The following PXMP4 variants were observed in gnomAD, a reference collection of about 807,000 sequenced individuals.
PXMP4 encodes peroxisomal membrane protein 4.
A neutral mutation model predicts 21.6 loss-of-function variants in PXMP4; 16 were observed. The ratio of observed to expected loss-of-function variants is 0.74; its 90% CI spans 0.50 to 1.13. The LOEUF (loss-of-function observed/expected upper bound fraction) is 1.13. Among genes scored for constraint, PXMP4 ranks in the 50% most tolerant of loss-of-function variants. PXMP4 has a pLI of 0.00. For missense variants in PXMP4, 240 were observed against 277.7 expected, an observed-to-expected ratio of 0.86 and a Z score of 0.96; for synonymous variants, 127 against 123.8, an observed-to-expected ratio of 1.03 and a Z score of -0.17.
At chr20:33,711,171 G>A (rs150536547) in intron 2 of PXMP4, among the ~76,000 whole-genome samples, 77 of 152,336 alleles carry the variant, frequency 5.1e-4, no homozygotes, top group African/African-American at 1.6e-3. Context: ...ATGTGAAGGA[G>A]TGAGTGTCTG....
At chr20:33,716,028 G>C (rs1398414194) in intron 1 of PXMP4, among the ~76,000 whole-genome samples, 1 of 149,788 alleles carries the variant, frequency 6.7e-6, no homozygotes, top group Non-Finnish European at 1.5e-5. Flanking sequence ...ATTTTTAGTA[G>C]AGACGAGGTT....
intron 1 of PXMP4, among the ~76,000 whole-genome samples, chr20:33,719,398 C>A (rs2018422857): frequency 6.6e-6 from 1 of 152,192 alleles, no homozygotes; most frequent in African/African-American, 2.4e-5. Context: ...CTGGGGGACA[C>A]AAACCACTTT....
intron 3 of PXMP4, 46 bp downstream of exon 3, chr20:33,710,509 C>G: frequency 1.6e-6 from 2 of 1,243,296 alleles, no homozygotes; most frequent in Non-Finnish European, 2.2e-6. Context: ...CACCTCTGTG[C>G]TGAACCACGC....
At chr20:33,719,794 G>A (rs1227710327) in intron 1 of PXMP4, among the ~76,000 whole-genome samples, 5 of 152,210 alleles carry the variant, frequency 3.3e-5, no homozygotes, top group South Asian at 2.1e-4. Context: ...ACAGAGAGGT[G>A]AGGTGAACTG....
At chr20:33,718,831 A>G (rs888692892) in intron 1 of PXMP4, among the ~76,000 whole-genome samples, 9 of 152,240 alleles carry the variant, frequency 5.9e-5, no homozygotes, top group African/African-American at 2.2e-4. Context: ...TTCAGAAACT[A>G]CTAAATACCA....
intron 2 of PXMP4, among the ~76,000 whole-genome samples, chr20:33,713,952 A>C (rs1455568538): frequency 6.6e-6 from 1 of 151,722 alleles, no homozygotes; most frequent in Non-Finnish European, 1.5e-5. Context: ...TTTGAGGAGG[A>C]AGTGATCCTC....
intron 2 of PXMP4, among the ~76,000 whole-genome samples, chr20:33,713,649 CAATA>C: frequency 6.6e-6 from 1 of 152,028 alleles, no homozygotes; most frequent in Non-Finnish European, 1.5e-5. Context: ...AGCAGATGCT[CAATA>C]AATATCTGCT....
chr20:33,715,195 C>T (rs1281412805), intron 1 of PXMP4, among the ~76,000 whole-genome samples: 2 of 152,158 alleles, frequency 1.3e-5, no homozygotes, highest in Non-Finnish European at 2.9e-5. Flanking sequence ...GGCTGGAGTA[C>T]AGTGGTGCAA....
chr20:33,707,274 G>A lies in PXMP4; in HGVS notation c.*432C>T, dbSNP rs899096817. 1 of 161,760 alleles carries A rather than the reference G, an allele frequency of 6.2e-6. No individual in the cohort carries two copies. Among genetic ancestry groups the A allele is most frequent in the African/African-American group, 2.4e-5 (1 of 41,708 alleles). 10.0% of individuals were successfully genotyped at this position (161,760 alleles called of 1,614,324 possible). On this transcript the variant is annotated 3_prime_UTR_variant, in exon 4 of 4. Coordinates refer to ENST00000409299, the MANE Select transcript of PXMP4 (RefSeq NM_007238.5). Reference sequence around the variant, plus strand: ...GTGGGAATCTAGAACTTCTCCAGTAGAACAGCATCTGAGATAAGGAACTTA... The same window carrying A: ...GTGGGAATCTAGAACTTCTCCAGTAAAACAGCATCTGAGATAAGGAACTTA...
intron 1 of PXMP4, among the ~76,000 whole-genome samples, chr20:33,717,447 C>T (rs995908839): frequency 3.3e-5 from 5 of 150,300 alleles, no homozygotes; most frequent in Admixed American, 6.6e-5. Context: ...GAGACCATCC[C>T]GGCTAAAACG....
chr20:33,707,534 C>A lies in PXMP4; in HGVS notation c.*172G>T, dbSNP rs2018270642. On this transcript the variant is annotated 3_prime_UTR_variant, in exon 4 of 4. Coordinates refer to ENST00000409299, the MANE Select transcript of PXMP4 (RefSeq NM_007238.5). ...AGCCTGATTCGGCCACTTGTGCCAC[C>A]ATACAAAGGTACCCACTGGGATTTT... The A allele has an allele frequency of 4.2e-6, 4 of 962,148 alleles. No homozygotes were observed. In the South Asian group the frequency reaches 7.1e-5, roughly 17 times the overall value. 59.6% of individuals were successfully genotyped at this position (962,148 alleles called of 1,614,324 possible). A position where few individuals can be genotyped will look rare whatever the true frequency, so the allele number is the denominator to read the frequency against.
intron 2 of PXMP4, among the ~76,000 whole-genome samples, chr20:33,711,393 C>T (rs1032682668): frequency 2.0e-5 from 3 of 152,062 alleles, no homozygotes; most frequent in South Asian, 2.1e-4. Flanking sequence ...GCACGTGCCA[C>T]GCCCGGAGGA....
Position 33,710,785 on chromosome 20 carries a change from G to A in PXMP4, c.177-32C>T, listed in dbSNP as rs1488703760. ...AAACACAGGTGCCCCTGCCATGAGT[G>A]CAGGCTCAGCAGCCCCAAAGGGCTT... On this transcript the variant is annotated intron_variant, in intron 2 of 3. Transcript: ENST00000409299. 14 of 1,542,226 alleles carry A rather than the reference G, an allele frequency of 9.1e-6. No homozygotes were observed. The South Asian group carries it at 1.1e-4, about 12-fold the overall frequency.
chr20:33,718,813 A>G (rs1413853217), intron 1 of PXMP4, among the ~76,000 whole-genome samples: 1 of 152,248 alleles, frequency 6.6e-6, no homozygotes. Flanking sequence ...CATTCATTCA[A>G]TAAATATTTC....
In PXMP4 at chr20:33,703,543, A is replaced by G. The variant is rs1200424098; in HGVS notation, c.*4163T>C. 2.0e-5 allele frequency: 3 copies of G among 152,314 alleles called. No individual in the cohort carries two copies. The highest frequency in any genetic ancestry group is 2.1e-4 in the South Asian group (1 of 4,834). The allele number at this position is 152,314 out of a possible 1,614,324, so 9.4% of individuals were successfully genotyped here. On this transcript the variant is annotated 3_prime_UTR_variant, in exon 4 of 4. Transcript: ENST00000409299. ...GCCAGTTTTAGTTTGGGTTCCCCCA[A>G]TAGCAGACTCTAAGACAAGGGTTTG...
In PXMP4 at chr20:33,707,856, C is replaced by T. The variant is rs745324683; in HGVS notation, c.489G>A (p.Val163=). ...CAAAGAGCCACAGCACCAGCCCCCA[C>T]ACCACCGCAGTGAGCAGCGGGAACG... ...WDPFPLLTAV[V]WGLVLWLFEY... The change falls in exon 4 of 4, where the codon GTG becomes GTA. Residue 163 remains valine, a synonymous_variant. Transcript: ENST00000409299. 2.5e-6 allele frequency: 4 copies of T among 1,614,020 alleles called. No homozygotes were observed. The African/African-American group carries it at 5.3e-5, about 22-fold the overall frequency.
At chr20:33,717,562 C>G (rs1384290004) in intron 1 of PXMP4, among the ~76,000 whole-genome samples, 2 of 140,886 alleles carry the variant, frequency 1.4e-5, no homozygotes, top group Non-Finnish European at 3.0e-5. Context: ...ATGGCGTGAA[C>G]CCGGGAGGCG....
chr20:33,710,832 C>CA, intron 2 of PXMP4, 79 bp from the exon 3 acceptor site: 1 of 1,375,272 alleles, frequency 7.3e-7, no homozygotes, highest in African/African-American at 1.5e-5. Flanking sequence ...GCATGCCTAA[C>CA]AACCAGCCAA....
At chr20:33,717,235 A>C (rs576312105) in intron 1 of PXMP4, among the ~76,000 whole-genome samples, 1 of 152,258 alleles carries the variant, frequency 6.6e-6, no homozygotes, top group Non-Finnish European at 1.5e-5. Context: ...TGTTATTAGC[A>C]ATGCCCACTG....
Sources: gnomAD v4.1 joint callset for allele counts (sites outside exome capture counted in the v4.1 genomes callset) on GRCh38, gnomAD v4.1.1 for gene constraint, MANE v1.5 for transcripts, NCBI Gene and HGNC (gene_info 2026-07-23, HGNC 2026-07-21) for gene names.